Variants in POLR1A observed in about 807,000 individuals in gnomAD.
The protein encoded by POLR1A is DNA-directed RNA polymerase I subunit RPA1.
A neutral mutation model predicts 205.3 loss-of-function variants in POLR1A; 84 were observed. That is an observed-to-expected ratio of 0.41 (90% CI 0.34 to 0.49). The LOEUF is 0.49. POLR1A is among the 20% of genes least tolerant of loss of function. The pLI is 0.22. For synonymous variants in POLR1A, 799 were observed against 863.7 expected (o/e 0.93, Z 1.31); for missense variants, 1,645 against 2,204.5 (o/e 0.75, Z 5.08).
chr2:86,077,816 C>A, intron 11 of POLR1A, 43 bp downstream of exon 11: 1 of 18,578 alleles, frequency 5.4e-5, no homozygotes, highest in Non-Finnish European at 1.1e-4. Context: ...CGCGCGCACA[C>A]ACACACACAC....
At chr2:86,044,097 G>C (rs1277612628) in intron 22 of POLR1A, 42 bp downstream of exon 22, 1 of 1,598,590 alleles carries the variant, frequency 6.3e-7, no homozygotes, top group Non-Finnish European at 8.6e-7. Context: ...GGTGGGGGAG[G>C]CCTACTGCTC....
At chr2:86,089,958 T>C (rs1224869098) in intron 3 of POLR1A, 29 bp from the exon 4 acceptor site, 11 of 1,181,902 alleles carry the variant, frequency 9.3e-6, no homozygotes, top group South Asian at 4.9e-5. Flanking sequence ...AACTCCATTA[T>C]CACAGTAATG....
At chr2:86,105,548 G>C (rs751040106) in intron 1 of POLR1A, 152 bp downstream of exon 1, 1 of 599,080 alleles carries the variant, frequency 1.7e-6, no homozygotes, top group African/African-American at 1.9e-5. Flanking sequence ...GCCGGCCCAG[G>C]AACGTTCCCA....
intron 14 of POLR1A, among the ~76,000 whole-genome samples, chr2:86,054,497 T>C (rs889022509): frequency 6.6e-6 from 1 of 152,156 alleles, no homozygotes; most frequent in Non-Finnish European, 1.5e-5. Context: ...TTTAAACCAA[T>C]GAGGAATGAA....
intron 27 of POLR1A, among the ~76,000 whole-genome samples, chr2:86,037,656 TG>T (rs566533458): frequency 1.9e-3 from 291 of 152,378 alleles, no homozygotes; most frequent in Admixed American, 3.8e-3. Flanking sequence ...CAGTGGTCAG[TG>T]GCCTGTGGCC....
chr2:86,067,923 T>C (rs1261414632), intron 13 of POLR1A, among the ~76,000 whole-genome samples: 3 of 152,324 alleles, frequency 2.0e-5, no homozygotes, highest in Non-Finnish European at 1.5e-5. Context: ...CCATCTCCCA[T>C]AAGCTTTTTT....
At chr2:86,104,290 T>C (rs557267888) in intron 1 of POLR1A, among the ~76,000 whole-genome samples, 19 of 152,004 alleles carry the variant, frequency 1.2e-4, no homozygotes, top group African/African-American at 3.9e-4. Context: ...TAAGAACAAA[T>C]AGACATGTAG....
Position 86,044,008 on chromosome 2 carries a change from A to AT in POLR1A, c.3135+130dup. On this transcript the variant is annotated intron_variant, in intron 22 of 33. Transcript: ENST00000263857. ...GTTTCAGGGCACTGACCGGTGTCTT[A>AT]TAAACCCTTCCCACTCTACTTTCCA... 5 of 789,962 alleles carry AT rather than the reference A, an allele frequency of 6.3e-6. No homozygotes were observed. The South Asian group carries it at 6.8e-5, about 11-fold the overall frequency. 48.9% of individuals were successfully genotyped at this position (789,962 alleles called of 1,614,324 possible). A position where few individuals can be genotyped will look rare whatever the true frequency, so the allele number is the denominator to read the frequency against.
Position 86,043,056 on chromosome 2 carries a change from T to C in POLR1A, c.3275A>G (p.Tyr1092Cys), listed in dbSNP as rs1672645992. 6.2e-7 allele frequency: 1 copy of C among 1,614,070 alleles called. No individual in the cohort carries two copies. Among genetic ancestry groups the C allele is most frequent in the African/African-American group, 1.3e-5 (1 of 74,924 alleles). Residue 1092 changes from tyrosine (Y) to cysteine (C), a missense_variant, in exon 23 of 34, where the codon TAT (tyrosine) becomes TGT (cysteine). Physicochemically the swap from Tyr to Cys is radical, Grantham distance 194. This residue lies in a region of POLR1A where 201 missense variants were observed against 222.3 expected (regional missense o/e 0.90). Transcript: ENST00000263857. ...CACAGCTTCCTGAATTTTCTGGGAA[T>C]AACTCAAGAAGGCGCCTCTTCTCAG... ...TLLRRGAFLS[Y>C]SQKIQEAVKA...
In POLR1A at chr2:86,045,916, C is replaced by T. The variant is rs148572117; in HGVS notation, c.2734-147G>A. The T allele has an allele frequency of 8.8e-4, 565 of 639,936 alleles. 1 individual carries two copies. The highest frequency in any genetic ancestry group is 2.1e-3 in the Admixed American group (58 of 28,106). The allele number at this position is 639,936 out of a possible 1,614,324, so 39.6% of individuals were successfully genotyped here. On this transcript the variant is annotated intron_variant, in intron 19 of 33. Transcript: ENST00000263857. Reference sequence around the variant, plus strand: ...AGGCTAACCTACATTTCTAAACAAACCAGGAAGCCTTCATTTTAAGAAAAA... The same window carrying T: ...AGGCTAACCTACATTTCTAAACAAATCAGGAAGCCTTCATTTTAAGAAAAA...
intron 14 of POLR1A, among the ~76,000 whole-genome samples, chr2:86,063,538 A>T (rs79152960): frequency 0.042 from 6,459 of 152,112 alleles, 257 homozygotes; most frequent in East Asian, 0.23. Context: ...CTGATACCAA[A>T]ACCAAACAAA....
chr2:86,080,358 C>T (rs1483649431), intron 9 of POLR1A, among the ~76,000 whole-genome samples: 1 of 152,054 alleles, frequency 6.6e-6, no homozygotes, highest in Non-Finnish European at 1.5e-5. Flanking sequence ...TTCCTGACCC[C>T]AATGCTGGAG....
intron 14 of POLR1A, among the ~76,000 whole-genome samples, chr2:86,055,202 C>T (rs1470525954): frequency 2.6e-5 from 4 of 151,816 alleles, no homozygotes; most frequent in East Asian, 2.0e-4. Flanking sequence ...GGCTGAGGCA[C>T]GATAACCGCT....
chr2:86,036,439 C>T (rs535056132), intron 27 of POLR1A, among the ~76,000 whole-genome samples: 15 of 151,764 alleles, frequency 9.9e-5, no homozygotes, highest in Non-Finnish European at 1.8e-4. Context: ...CAGGCTCTGT[C>T]AAGGGTCTCA....
In POLR1A at chr2:86,078,233, C is replaced by T; in HGVS notation, c.1138G>A (p.Gly380Ser). The T allele has an allele frequency of 1.9e-6, 3 of 1,606,646 alleles. No individual in the cohort carries two copies. The highest frequency in any genetic ancestry group is 2.5e-6 in the Non-Finnish European group (3 of 1,178,278). ...IDRSFLSTLPGQSLIDKLYNI... is the reference protein window; with the variant it reads ...IDRSFLSTLPSQSLIDKLYNI... ...TAAAGTTTGTCTATGAGGGACTGGC[C>T]TGGAAGTGTACTCAAAAAGGATCGG... is the stretch of plus-strand genomic sequence containing the variant. The change falls in exon 10 of 34, where the codon GGC (glycine) becomes AGC (serine). Residue 380 changes from glycine (G) to serine (S), a missense_variant. By Grantham distance (56) the Gly-to-Ser change is moderately conservative (BLOSUM62 0). Around this residue, in one of 16 missense-constraint regions of POLR1A, gnomAD observed 78 missense variants for 77.7 expected, o/e 1.00. Coordinates refer to ENST00000263857, the MANE Select transcript of POLR1A (RefSeq NM_015425.6).
rs190645748 is a variant in POLR1A at position 86,088,449 on chromosome 2, C to T, written c.730+117G>A. On this transcript the variant is annotated intron_variant, in intron 6 of 33. Coordinates refer to ENST00000263857, the MANE Select transcript of POLR1A (RefSeq NM_015425.6). The stretch of plus-strand genomic sequence containing the variant: ...GAGAGGCCTGCACACTGTGCCTCTG[C>T]TGGCCCCTCCCAAATGCAGCAGAGA... 4.4e-4 allele frequency: 306 copies of T among 691,036 alleles called. No homozygotes were observed. The African/African-American group carries it at 4.9e-3, about 11-fold the overall frequency. The allele number at this position is 691,036 out of a possible 1,614,324, so 42.8% of individuals were successfully genotyped here.
chr2:86,075,401 G>A (rs1295079121), intron 11 of POLR1A, 141 bp from the exon 12 acceptor site: 1 of 643,542 alleles, frequency 1.6e-6, no homozygotes, highest in African/African-American at 1.8e-5. Flanking sequence ...CTTCCAGTGA[G>A]CAAAGTAACA....
At chr2:86,061,853 G>A (rs1673002329) in intron 14 of POLR1A, among the ~76,000 whole-genome samples, 1 of 152,132 alleles carries the variant, frequency 6.6e-6, no homozygotes, top group African/African-American at 2.4e-5. Context: ...GAGGGGCCGT[G>A]GAGGGGTCTT....
At chr2:86,098,903 T>A (rs766236023) in intron 2 of POLR1A, 143 bp from the exon 3 acceptor site, 1 of 654,896 alleles carries the variant, frequency 1.5e-6, no homozygotes, top group Non-Finnish European at 2.6e-6. Flanking sequence ...TAGAAAGGCC[T>A]TTGTTATCTT....
Sources: allele counts gnomAD v4.1 joint callset (sites outside exome capture counted in the v4.1 genomes callset), GRCh38; gene constraint gnomAD v4.1.1; regional missense constraint gnomAD v4.1.1; transcripts MANE v1.5; gene names NCBI Gene and HGNC (gene_info 2026-07-23, HGNC 2026-07-21).